The following AFDN variants were observed in gnomAD, a reference collection of about 807,000 sequenced individuals.
AFDN encodes afadin.
A neutral mutation model predicts 216.6 loss-of-function variants in AFDN; 68 were observed. The ratio of observed to expected loss-of-function variants is 0.31; its 90% CI spans 0.26 to 0.38. AFDN has a LOEUF of 0.38. AFDN is among the 10% of genes least tolerant of loss of function. The probability of loss-of-function intolerance (pLI) is 1.00; values close to 1 mark genes in which losing one functional copy is unlikely to be tolerated. For missense variants in AFDN, 2,136 were observed against 2,342.0 expected (o/e 0.91, Z 1.82); for synonymous variants, 868 against 853.7 (o/e 1.02, Z -0.29).
At position 167,962,226 on chromosome 6, in the gene AFDN, G is replaced by A. The variant is rs948219247; in HGVS notation, c.4834-207G>A. ...GGAATAACTGGGATTTGTGGCAACC[G>A]TTTTTAGGTAATTTATTTTAAAATT... On this transcript the variant is annotated intron_variant, in intron 30 of 33. Coordinates refer to ENST00000683244, the MANE Select transcript of AFDN (RefSeq NM_001386888.1). This position sits in a 1 kb window ranked among gnomAD's most constrained non-coding sequence, Gnocchi z 5.2. 2.6e-5 allele frequency among the ~76,000 whole-genome samples: 4 copies of A among 152,140 alleles called. No individual in the cohort carries two copies. The highest frequency in any genetic ancestry group is 7.2e-5 in the African/African-American group (3 of 41,426).
At chr6:167,838,157 A>C (rs1780654363) in intron 1 of AFDN, among the ~76,000 whole-genome samples, 1 of 152,204 alleles carries the variant, frequency 6.6e-6, no homozygotes, top group Non-Finnish European at 1.5e-5. Flanking sequence ...AAATTGGAAT[A>C]TGAATGAGGA....
intron 26 of AFDN, 128 bp from the exon 27 acceptor site, chr6:167,946,579 A>T: frequency 1.4e-6 from 1 of 736,356 alleles, no homozygotes; most frequent in South Asian, 2.0e-5. Context: ...CTGTTTTATG[A>T]TTCTGTAGGA....
At chr6:167,857,614 A>G (rs1783054932) in intron 1 of AFDN, among the ~76,000 whole-genome samples, 1 of 152,022 alleles carries the variant, frequency 6.6e-6, no homozygotes, top group South Asian at 2.1e-4. Context: ...TTACATTTGT[A>G]TTTCCAATAA....
intron 30 of AFDN, among the ~76,000 whole-genome samples, chr6:167,957,613 CTTTA>C (rs1317280667): frequency 6.6e-6 from 1 of 152,196 alleles, no homozygotes; most frequent in Non-Finnish European, 1.5e-5. Context: ...AGGGCTTTTC[CTTTA>C]TATCGCATGG....
chr6:167,912,416 G>A (rs931056736), intron 15 of AFDN, among the ~76,000 whole-genome samples: 5 of 152,174 alleles, frequency 3.3e-5, no homozygotes, highest in African/African-American at 9.6e-5. Flanking sequence ...GGGAAACTAA[G>A]ATCTTTTAGT....
In AFDN at chr6:167,885,801, C is replaced by T. The variant is rs148550767; in HGVS notation, c.898-3414C>T. On this transcript the variant is annotated intron_variant, in intron 6 of 33. Coordinates refer to ENST00000683244, the MANE Select transcript of AFDN (RefSeq NM_001386888.1). Reference sequence around the variant, plus strand: ...TGTTTTTTCTTAAAAGAGCAATATCCGTGAGGCACAATAAAGCAACAAGGT... The same window carrying T: ...TGTTTTTTCTTAAAAGAGCAATATCTGTGAGGCACAATAAAGCAACAAGGT... 2.7e-3 allele frequency among the ~76,000 whole-genome samples: 411 copies of T among 152,324 alleles called. 4 individuals are homozygous for T. Among genetic ancestry groups the T allele is most frequent in the African/African-American group, 9.1e-3 (377 of 41,572 alleles).
At chr6:167,878,586 ACTCTCT>A (rs372904036) in intron 5 of AFDN, among the ~76,000 whole-genome samples, 99 of 139,528 alleles carry the variant, frequency 7.1e-4, no homozygotes, top group African/African-American at 2.3e-3. Flanking sequence ...ACACACACCC[ACTCTCT>A]CTCTCTCTCT....
intron 30 of AFDN, among the ~76,000 whole-genome samples, chr6:167,960,637 T>G (rs1796943817): frequency 6.6e-6 from 1 of 152,244 alleles, no homozygotes; most frequent in South Asian, 2.1e-4. Context: ...TTTATTTTGC[T>G]ATTTTTGTTT....
intron 2 of AFDN, among the ~76,000 whole-genome samples, chr6:167,865,217 A>G (rs1562573995): frequency 6.6e-6 from 1 of 152,154 alleles, no homozygotes; most frequent in Non-Finnish European, 1.5e-5. Context: ...AATTTAGGGT[A>G]TGTATCTTAA....
chr6:167,826,773 C>T, upstream of AFDN: 1 of 345,732 alleles, frequency 2.9e-6, no homozygotes, highest in South Asian at 2.2e-5. Flanking sequence ...CCCTGGCGGC[C>T]GCGGCAGCAG....
intron 5 of AFDN, among the ~76,000 whole-genome samples, chr6:167,877,839 C>T (rs1042064519): frequency 1.3e-5 from 2 of 152,260 alleles, no homozygotes; most frequent in South Asian, 4.2e-4. Flanking sequence ...ATTAGTTTCT[C>T]AAGTTCTGAT....
rs772057493 is a variant in AFDN, at chr6:167,834,592, A to G, written c.105+7355A>G. 2.0e-5 allele frequency among the ~76,000 whole-genome samples: 3 copies of G among 146,944 alleles called. No individual in the cohort carries two copies. The South Asian group carries it at 6.6e-4, about 32-fold the overall frequency. Reference sequence around the variant, plus strand: ...TGCCACCCATGGAACGATTCTTTTTAAGAGGCATTGGGAATAAAACCAGTT... The same window carrying G: ...TGCCACCCATGGAACGATTCTTTTTGAGAGGCATTGGGAATAAAACCAGTT... On this transcript the variant is annotated intron_variant, in intron 1 of 33. Transcript: ENST00000683244.
intron 11 of AFDN, among the ~76,000 whole-genome samples, chr6:167,901,040 G>A (rs1448952678): frequency 6.6e-6 from 1 of 152,118 alleles, no homozygotes; most frequent in Non-Finnish European, 1.5e-5. Context: ...TATTTTCTTA[G>A]TGGTGAGATA....
At position 167,965,911 on chromosome 6, in the gene AFDN, C is replaced by T; in HGVS notation, c.5123C>T (p.Pro1708Leu). ...GAGCCCCCGTCCCCGTCCCCCGCGC[C>T]CGGCGCCCCTCCTCCCCCGCCTCAG... is the stretch of plus-strand genomic sequence containing the variant. Reference protein sequence around the residue: ...DYEPPSPSPAPGAPPPPPQRN... With the variant: ...DYEPPSPSPALGAPPPPPQRN... The change falls in exon 32 of 34, where the codon CCC becomes CTC. Residue 1708 changes from proline (P) to leucine (L), a missense_variant. By Grantham distance (98) the Pro-to-Leu change is moderately conservative. Transcript: ENST00000683244. 1 of 1,550,018 alleles carries T rather than the reference C, an allele frequency of 6.5e-7. No individual in the cohort carries two copies. The highest frequency in any genetic ancestry group is 8.7e-7 in the Non-Finnish European group (1 of 1,146,704).
intron 30 of AFDN, among the ~76,000 whole-genome samples, chr6:167,960,994 GTTAA>G (rs1393377189): frequency 2.0e-5 from 3 of 151,954 alleles, no homozygotes; most frequent in African/African-American, 7.3e-5. Flanking sequence ...AGTAACACAG[GTTAA>G]TTTATTCTTT....
At chr6:167,930,411 A>T (rs529832821) in intron 23 of AFDN, among the ~76,000 whole-genome samples, 2 of 152,184 alleles carry the variant, frequency 1.3e-5, no homozygotes, top group Non-Finnish European at 2.9e-5. Flanking sequence ...GTGATGAATT[A>T]TATGGTTGAT....
rs560918217 is a variant in AFDN at position 167,831,519 on chromosome 6, T to A, written c.105+4282T>A. On this transcript the variant is annotated intron_variant, in intron 1 of 33. Transcript: ENST00000683244. ...TGAGTCATCTTAAGTTGAAACTACA[T>A]CTAGGCTAGTTTCAATTTGCTGTCT... 1.3e-4 allele frequency among the ~76,000 whole-genome samples: 20 copies of A among 152,316 alleles called. No homozygotes were observed. The East Asian group carries it at 1.7e-3, about 13-fold the overall frequency.
chr6:167,964,008 G>A lies in AFDN; in HGVS notation c.4968+1441G>A, dbSNP rs115695847. On this transcript the variant is annotated intron_variant, in intron 31 of 33. Coordinates refer to ENST00000683244, the MANE Select transcript of AFDN (RefSeq NM_001386888.1). ...GTCCTGGCCACGCCGGAGCCTCGGC[G>A]GGGGCAGCTGGGTTGTCACGGCAGC... 915 of 1,064,378 alleles carry A rather than the reference G, an allele frequency of 8.6e-4. 4 individuals are homozygous for A. In the African/African-American group the frequency reaches 0.013, roughly 15 times the overall value. The allele number at this position is 1,064,378 out of a possible 1,614,324, so 65.9% of individuals were successfully genotyped here. A position where few individuals can be genotyped will look rare whatever the true frequency, so the allele number is the denominator to read the frequency against.
chr6:167,969,331 A>G, intron 33 of AFDN, 133 bp downstream of exon 33: 1 of 707,156 alleles, frequency 1.4e-6, no homozygotes, highest in Non-Finnish European at 2.5e-6. Flanking sequence ...GTAATTAGGA[A>G]TGCTATTGCC....
Sources: allele counts gnomAD v4.1 joint callset (sites outside exome capture counted in the v4.1 genomes callset), GRCh38; gene constraint gnomAD v4.1.1; non-coding constraint Gnocchi (gnomAD v3.1); transcripts MANE v1.5; gene names NCBI Gene and HGNC (gene_info 2026-07-23, HGNC 2026-07-21).